Variants in SCAF8 observed in about 807,000 individuals in gnomAD.
SCAF8 encodes SR-related CTD associated factor 8, also known as SR-related and CTD-associated factor 8.
In SCAF8, 23 loss-of-function variants were observed where a neutral mutation model predicts 140.5. The ratio of observed to expected loss-of-function variants is 0.16; its 90% CI spans 0.12 to 0.23. The LOEUF is 0.23. Among genes scored for constraint, SCAF8 ranks in the 10% least tolerant of loss-of-function variants. The pLI is 1.00. For missense variants in SCAF8, 1,397 were observed against 1,555.7 expected (o/e 0.90, Z 1.72); for synonymous variants, 575 against 528.9 (o/e 1.09, Z -1.20).
intron 1 of SCAF8, among the ~76,000 whole-genome samples, chr6:154,750,833 T>C (rs1463792199): frequency 1.3e-5 from 2 of 152,240 alleles, no homozygotes; most frequent in East Asian, 3.8e-4. Context: ...ACTAATACAA[T>C]TCTGGTATTT....
intron 11 of SCAF8, among the ~76,000 whole-genome samples, chr6:154,809,213 C>G (rs1196869693): frequency 1.3e-5 from 2 of 151,946 alleles, no homozygotes; most frequent in Non-Finnish European, 2.9e-5. Context: ...ACTGTAATAC[C>G]AAACCGTTAG....
chr6:154,805,201 T>TG (rs1777877228), intron 8 of SCAF8, among the ~76,000 whole-genome samples, 168 bp from the exon 9 acceptor site: 1 of 89,432 alleles, frequency 1.1e-5, no homozygotes, highest in Admixed American at 1.0e-4. Context: ...TTTCTTTTAA[T>TG]AATTAATGTT....
At chr6:154,819,473 C>T (rs762162122) in intron 14 of SCAF8, among the ~76,000 whole-genome samples, 2 of 152,090 alleles carry the variant, frequency 1.3e-5, no homozygotes, top group Non-Finnish European at 2.9e-5. Flanking sequence ...CTTCTATGGT[C>T]CCAGCTGCTT....
At chr6:154,830,569 T>C (rs1244810021) in intron 18 of SCAF8, among the ~76,000 whole-genome samples, 2 of 152,244 alleles carry the variant, frequency 1.3e-5, no homozygotes, top group African/African-American at 4.8e-5. Flanking sequence ...TTCATACTCA[T>C]ACATTTCAGT....
At chr6:154,746,070 G>A (rs890204560) in intron 1 of SCAF8, among the ~76,000 whole-genome samples, 1 of 152,110 alleles carries the variant, frequency 6.6e-6, no homozygotes, top group East Asian at 1.9e-4. Context: ...ATTTTTAGTC[G>A]AGTCGAGGTT....
In SCAF8 at chr6:154,779,414, G is replaced by A. The variant is rs148024466; in HGVS notation, c.159+1369G>A. ...TACCTAGAATTCTTGTTAAAAATGT[G>A]GATTCTAATTCACCGAGTGTGGAGA... On this transcript the variant is annotated intron_variant, in intron 3 of 19. Transcript: ENST00000367178. Among the ~76,000 whole-genome samples, 25 of 152,220 alleles carry A rather than the reference G, an allele frequency of 1.6e-4. No individual in the cohort carries two copies. In the East Asian group the frequency reaches 4.4e-3, roughly 27 times the overall value.
chr6:154,759,818 A>G (rs1183548787), intron 1 of SCAF8, among the ~76,000 whole-genome samples: 1 of 151,946 alleles, frequency 6.6e-6, no homozygotes, highest in African/African-American at 2.4e-5. Context: ...GGCGCCTGCC[A>G]CCACGCCCGG....
rs375445298 is a variant in SCAF8, at chr6:154,792,981, G to A, written c.475+5G>A. The A allele has an allele frequency of 4.4e-6, 7 of 1,598,716 alleles. No homozygotes were observed. The African/African-American group carries it at 8.1e-5, about 18-fold the overall frequency. ...CTGCTATGAGCAATACTCCAGGTAT[G>A]TTGCTTTAATATAGATTTGTTGTCT... On this transcript the variant is annotated splice_donor_5th_base_variant and intron_variant, in intron 5 of 19. Coordinates refer to ENST00000367178, the MANE Select transcript of SCAF8 (RefSeq NM_014892.5).
rs925702266 is a variant in SCAF8 at position 154,833,507 on chromosome 6, C to G, written c.*112C>G. Reference sequence around the variant, plus strand: ...TTTTGTCTGCCAGAATTAAGTTAATCTGATGTTCATGTTCACCTTTCTCTT... The same window carrying G: ...TTTTGTCTGCCAGAATTAAGTTAATGTGATGTTCATGTTCACCTTTCTCTT... On this transcript the variant is annotated 3_prime_UTR_variant, in exon 20 of 20. Transcript: ENST00000367178. 6.1e-6 allele frequency: 6 copies of G among 988,498 alleles called. No individual in the cohort carries two copies. Among genetic ancestry groups the G allele is most frequent in the East Asian group, 2.5e-5 (1 of 39,844 alleles). The allele number at this position is 988,498 out of a possible 1,614,324, so 61.2% of individuals were successfully genotyped here.
chr6:154,785,223 C>T (rs1295222673), intron 3 of SCAF8, among the ~76,000 whole-genome samples: 1 of 152,118 alleles, frequency 6.6e-6, no homozygotes. Context: ...TGTGAATAGA[C>T]GGCAGCTTGC....
intron 1 of SCAF8, among the ~76,000 whole-genome samples, chr6:154,769,062 CAAAAAAAA>C (rs56383173): frequency 2.5e-4 from 24 of 96,766 alleles, no homozygotes; most frequent in East Asian, 2.7e-4. Context: ...GACACTGTCT[CAAAAAAAA>C]AAAAAAAAAA....
At chr6:154,790,489 A>ATTTTTTTTTTTTTTTTTTTTTTTT (rs57095332) in intron 4 of SCAF8, among the ~76,000 whole-genome samples, 6 of 70,878 alleles carry the variant, frequency 8.5e-5, no homozygotes, top group African/African-American at 1.1e-4. Context: ...ATTTAACAGA[A>ATTTTTTTTTTTTTTTTTTTTTTTT]TTTTTTTTTT....
intron 1 of SCAF8, among the ~76,000 whole-genome samples, chr6:154,767,831 G>A (rs527655292): frequency 5.9e-5 from 9 of 152,132 alleles, no homozygotes; most frequent in Non-Finnish European, 1.3e-4. Context: ...GAGCCACCAT[G>A]CCTGACCTTC....
At chr6:154,770,388 ACTCTCTCTCTCTCT>A (rs58596375) in intron 1 of SCAF8, among the ~76,000 whole-genome samples, 66,114 of 141,900 alleles carry the variant, frequency 0.47, 15,299 homozygotes, top group East Asian at 0.86. Flanking sequence ...ACACACACAC[ACTCTCTCTCTCTCT>A]CTCTCTCTCT....
intron 1 of SCAF8, among the ~76,000 whole-genome samples, chr6:154,735,460 T>A (rs1778389629): frequency 6.6e-6 from 1 of 151,932 alleles, no homozygotes. Flanking sequence ...TTTTCTTTTT[T>A]AATACTACAT....
At chr6:154,818,021 A>C (rs1778301549) in intron 13 of SCAF8, among the ~76,000 whole-genome samples, 1 of 152,210 alleles carries the variant, frequency 6.6e-6, no homozygotes, top group Non-Finnish European at 1.5e-5. Flanking sequence ...ATAATTCCCC[A>C]AAAGAAGAAT....
intron 3 of SCAF8, 30 bp downstream of exon 3, chr6:154,778,075 G>T: frequency 7.6e-7 from 1 of 1,309,830 alleles, no homozygotes; most frequent in South Asian, 1.2e-5. Context: ...TACATGTGCT[G>T]TAATTGTAGA....
At chr6:154,816,515 G>GTCTC (rs386409029) in intron 13 of SCAF8, among the ~76,000 whole-genome samples, 5 of 151,982 alleles carry the variant, frequency 3.3e-5, no homozygotes. Flanking sequence ...ATTACGTGCT[G>GTCTC]TCTTTCTTCC....
intron 12 of SCAF8, among the ~76,000 whole-genome samples, chr6:154,813,780 G>C (rs1034112430): frequency 6.6e-6 from 1 of 152,156 alleles, no homozygotes; most frequent in Non-Finnish European, 1.5e-5. Context: ...AGGGAAGCAA[G>C]TACGTTGAAG....
Sources: gnomAD v4.1 joint callset for allele counts (sites outside exome capture counted in the v4.1 genomes callset) on GRCh38, gnomAD v4.1.1 for gene constraint, MANE v1.5 for transcripts, NCBI Gene and HGNC (gene_info 2026-07-23, HGNC 2026-07-21) for gene names.